ITPR2: variants seen among roughly 807,000 people sequenced by gnomAD.
ITPR2 encodes the protein inositol 1,4,5-trisphosphate-gated calcium channel ITPR2.
A neutral mutation model predicts 317.1 loss-of-function variants in ITPR2; 207 were observed. The ratio of observed to expected loss-of-function variants is 0.65; its 90% CI spans 0.58 to 0.73. The LOEUF (loss-of-function observed/expected upper bound fraction) is 0.73, where lower values mean the gene tolerates loss of function less well. Ranked by LOEUF, ITPR2 falls within the 30% of genes least tolerant of loss-of-function variation. The probability of loss-of-function intolerance (pLI) is 0.00; values close to 1 mark genes in which losing one functional copy is unlikely to be tolerated. For synonymous variants in ITPR2, 1,156 were observed against 1,149.1 expected (o/e 1.01, Z -0.12); for missense variants, 2,613 against 3,284.0 (o/e 0.80, Z 4.99).
chr12:26,612,002 T>C (rs1366218640), intron 26 of ITPR2, among the ~76,000 whole-genome samples: 1 of 152,170 alleles, frequency 6.6e-6, no homozygotes, highest in Non-Finnish European at 1.5e-5. Flanking sequence ...TAATATACAA[T>C]AGATAATAAA....
chr12:26,784,639 C>T (rs1171593805), intron 2 of ITPR2, among the ~76,000 whole-genome samples: 6 of 151,788 alleles, frequency 4.0e-5, no homozygotes, highest in South Asian at 2.1e-4. Flanking sequence ...CTTGTTCACT[C>T]GGTGCTCAAT....
chr12:26,719,371 C>T (rs1565716010), intron 5 of ITPR2, among the ~76,000 whole-genome samples: 1 of 152,198 alleles, frequency 6.6e-6, no homozygotes, highest in Non-Finnish European at 1.5e-5. Flanking sequence ...TAAGCCATCA[C>T]ATTCACTCTA....
chr12:26,603,354 A>C (rs1350703989), intron 26 of ITPR2, among the ~76,000 whole-genome samples: 2 of 152,368 alleles, frequency 1.3e-5, no homozygotes, highest in East Asian at 3.9e-4. Context: ...CTTAATTATA[A>C]TAACTATTAT....
At chr12:26,407,581 G>A (rs1591996652) in intron 52 of ITPR2, among the ~76,000 whole-genome samples, 1 of 152,242 alleles carries the variant, frequency 6.6e-6, no homozygotes, top group Middle Eastern at 3.4e-3. Context: ...TAGGTATAAA[G>A]AAAGGCTTAA....
intron 13 of ITPR2, among the ~76,000 whole-genome samples, chr12:26,678,428 G>GA (rs34105410): frequency 8.8e-5 from 13 of 148,492 alleles, no homozygotes; most frequent in African/African-American, 2.5e-4. Context: ...GAGAGAGAGA[G>GA]AAAAAAAAAA....
intron 2 of ITPR2, among the ~76,000 whole-genome samples, chr12:26,769,851 T>C (rs549987145): frequency 2.4e-4 from 37 of 152,304 alleles, no homozygotes; most frequent in African/African-American, 8.9e-4. Context: ...GTATTTTGAC[T>C]GAGCCAAAGT....
intron 37 of ITPR2, among the ~76,000 whole-genome samples, chr12:26,507,855 C>CTGTGTGTGTGTG (rs766901558): frequency 2.8e-5 from 4 of 142,296 alleles, no homozygotes; most frequent in Non-Finnish European, 6.1e-5. Flanking sequence ...ACTCTTCTCT[C>CTGTGTGTGTGTG]TCTGTCTCTG....
chr12:26,550,152 C>A, intron 37 of ITPR2, 95 bp downstream of exon 37: 3 of 556,212 alleles, frequency 5.4e-6, no homozygotes, highest in Non-Finnish European at 6.2e-6. Flanking sequence ...AGATATAATG[C>A]AAGTAATCAC....
At position 26,481,089 on chromosome 12, in the gene ITPR2, G is replaced by C. The variant is rs779775477; in HGVS notation, c.6123+42C>G. On this transcript the variant is annotated intron_variant, in intron 43 of 56. Coordinates refer to ENST00000381340, the MANE Select transcript of ITPR2 (RefSeq NM_002223.4). ...AGAGCTGCTTGAAGATTGTACTATA[G>C]AGACTGTAGCTTTTCTGGCCTGAAC... The C allele has an allele frequency of 7.9e-6, 9 of 1,140,162 alleles. No individual in the cohort carries two copies. In the East Asian group the frequency reaches 1.9e-4, roughly 24 times the overall value. 70.6% of individuals were successfully genotyped at this position (1,140,162 alleles called of 1,614,324 possible). A position where few individuals can be genotyped will look rare whatever the true frequency, so the allele number is the denominator to read the frequency against.
rs1555144092 is a variant in ITPR2 at position 26,507,863 on chromosome 12, C to CTG, written c.5074-12605_5074-12604dup. On this transcript the variant is annotated intron_variant, in intron 37 of 56. Transcript: ENST00000381340. ...TCTCTCTACTCTTCTCTCTCTGTCT[C>CTG]TGTGTGTGTGTGTGTGTGTGTGTGT... is the stretch of plus-strand genomic sequence containing the variant. Among the ~76,000 whole-genome samples, 735 of 132,272 alleles carry CTG rather than the reference C, an allele frequency of 5.6e-3. 5 individuals carry two copies. The highest frequency in any genetic ancestry group is 0.02 in the East Asian group (93 of 4,718). 86.8% of individuals were successfully genotyped at this position (132,272 alleles called of 152,430 possible).
At chr12:26,736,597 A>G (rs1299067714) in intron 2 of ITPR2, among the ~76,000 whole-genome samples, 2 of 152,152 alleles carry the variant, frequency 1.3e-5, no homozygotes, top group Non-Finnish European at 2.9e-5. Flanking sequence ...TGTGCCCAGG[A>G]CAATTCTGGT....
In ITPR2 at chr12:26,556,381, G is replaced by T; in HGVS notation, c.4822-6C>A. On this transcript the variant is annotated splice_region_variant and splice_polypyrimidine_tract_variant and intron_variant, in intron 35 of 56. Coordinates refer to ENST00000381340, the MANE Select transcript of ITPR2 (RefSeq NM_002223.4). The stretch of plus-strand genomic sequence containing the variant: ...TCCAAGGAGGCCACTACATCCTAGG[G>T]AATGAAACACAAGAGAACCCACATG... 1 of 1,608,408 alleles carries T rather than the reference G, an allele frequency of 6.2e-7. No homozygotes were observed. The highest frequency in any genetic ancestry group is 1.1e-5 in the South Asian group (1 of 89,530).
chr12:26,433,406 C>A (rs1565523866), intron 48 of ITPR2, among the ~76,000 whole-genome samples: 1 of 152,128 alleles, frequency 6.6e-6, no homozygotes, highest in African/African-American at 2.4e-5. Context: ...CAAACTTATA[C>A]CTCCCATAAC....
chr12:26,706,945 C>A (rs539854196), intron 9 of ITPR2, among the ~76,000 whole-genome samples: 3 of 152,166 alleles, frequency 2.0e-5, no homozygotes, highest in Non-Finnish European at 4.4e-5. Flanking sequence ...TAGCAACTTA[C>A]ACAGGACCGC....
At chr12:26,527,754 C>T (rs1209536698) in intron 37 of ITPR2, among the ~76,000 whole-genome samples, 2 of 152,176 alleles carry the variant, frequency 1.3e-5, no homozygotes, top group Non-Finnish European at 2.9e-5. Flanking sequence ...AGGAGTCCTA[C>T]AATATCTCCC....
rs546823556 is a variant in ITPR2, at chr12:26,420,967, A to T, written c.6946-1754T>A. On this transcript the variant is annotated intron_variant, in intron 49 of 56. Coordinates refer to ENST00000381340, the MANE Select transcript of ITPR2 (RefSeq NM_002223.4). ...GAGTTCATCAATATGAATTAGAAATAAGTTGTATAAAAATAAAATAAATAA... is the reference window on the plus strand; with the variant it reads ...GAGTTCATCAATATGAATTAGAAATTAGTTGTATAAAAATAAAATAAATAA... 3.3e-5 allele frequency among the ~76,000 whole-genome samples: 5 copies of T among 152,296 alleles called. No homozygotes were observed. In the South Asian group the frequency reaches 1.0e-3, roughly 32 times the overall value.
At chr12:26,787,043 T>C (rs976760914) in intron 2 of ITPR2, among the ~76,000 whole-genome samples, 1 of 152,046 alleles carries the variant, frequency 6.6e-6, no homozygotes, top group African/African-American at 2.4e-5. Flanking sequence ...AATATATTCA[T>C]GCAGAGAATG....
chr12:26,450,283 C>T (rs1941706615), intron 45 of ITPR2, among the ~76,000 whole-genome samples: 1 of 152,148 alleles, frequency 6.6e-6, no homozygotes, highest in South Asian at 2.1e-4. Context: ...AGGAAGTTAA[C>T]ACAAATCCAC....
intron 13 of ITPR2, among the ~76,000 whole-genome samples, chr12:26,678,301 A>G (rs1445775174): frequency 6.6e-6 from 1 of 152,158 alleles, no homozygotes; most frequent in Non-Finnish European, 1.5e-5. Flanking sequence ...ATGTAGAATA[A>G]GATTAGAAAA....
Sources: gnomAD v4.1 joint callset for allele counts (sites outside exome capture counted in the v4.1 genomes callset) on GRCh38, gnomAD v4.1.1 for gene constraint, MANE v1.5 for transcripts, NCBI Gene and HGNC (gene_info 2026-07-23, HGNC 2026-07-21) for gene names.